The following PARD3 variants were observed in gnomAD, a reference collection of about 807,000 sequenced individuals.
PARD3 encodes the protein partitioning defective 3 homolog.
A neutral mutation model predicts 155.4 loss-of-function variants in PARD3; 75 were observed. The ratio of observed to expected loss-of-function variants is 0.48; its 90% CI spans 0.40 to 0.58. PARD3 has a LOEUF of 0.58. PARD3 is among the 20% of genes least tolerant of loss of function. PARD3 has a pLI of 0.00. For missense variants in PARD3, 1,642 were observed against 1,721.7 expected (o/e 0.95, Z 0.82); for synonymous variants, 576 against 610.5 (o/e 0.94, Z 0.83).
At chr10:34,118,010 G>A (rs555990261) in intron 24 of PARD3, among the ~76,000 whole-genome samples, 1 of 152,138 alleles carries the variant, frequency 6.6e-6, no homozygotes, top group African/African-American at 2.4e-5. Flanking sequence ...AAAATGACTT[G>A]CTAGCTGTGT....
Position 34,382,572 on chromosome 10 carries a change from A to G in PARD3, c.1367T>C (p.Ile456Thr). The G allele has an allele frequency of 1.2e-6, 2 of 1,613,324 alleles. No homozygotes were observed. The highest frequency in any genetic ancestry group is 2.2e-5 in the East Asian group (1 of 44,878). The change falls in exon 9 of 25, where the codon ATA (isoleucine) becomes ACA (threonine). Residue 456 changes from isoleucine (I) to threonine (T), a missense_variant. By Grantham distance (89) the Ile-to-Thr change is moderately conservative. Coordinates refer to ENST00000374788, the MANE Select transcript of PARD3 (RefSeq NM_001184785.2). Reference sequence around the variant, plus strand: ...AAGCTGGATATTAAGCCTCTTGCCTATTTTTTTGGTGTTATAACCACTGCT... The same window carrying G: ...AAGCTGGATATTAAGCCTCTTGCCTGTTTTTTTGGTGTTATAACCACTGCT... ...TVSSGYNTKK[I>T]GKRLNIQLKK...
At chr10:34,259,517 T>C (rs1026861737) in intron 22 of PARD3, among the ~76,000 whole-genome samples, 1 of 152,154 alleles carries the variant, frequency 6.6e-6, no homozygotes, top group Non-Finnish European at 1.5e-5. Flanking sequence ...CCTCTTTCAC[T>C]GATAAAGCCT....
intron 22 of PARD3, among the ~76,000 whole-genome samples, chr10:34,208,694 A>G (rs1951596521): frequency 6.6e-6 from 1 of 152,176 alleles, no homozygotes; most frequent in Non-Finnish European, 1.5e-5. Flanking sequence ...CGTTCAGGAA[A>G]CAGGAGCTGT....
intron 3 of PARD3, among the ~76,000 whole-genome samples, chr10:34,511,656 AC>A (rs35718283): frequency 0.19 from 28,667 of 152,208 alleles, 3,441 homozygotes; most frequent in East Asian, 0.38. Context: ...ATACATATAT[AC>A]AAAGTGATTT....
Position 34,605,980 on chromosome 10 carries a change from CTATATATA to C in PARD3, c.223-88829_223-88822del, listed in dbSNP as rs377089198. Among the ~76,000 whole-genome samples, 5 of 914 alleles carry C rather than the reference CTATATATA, an allele frequency of 5.5e-3. 2 individuals are homozygous for C. The highest frequency in any genetic ancestry group is 7.3e-3 in the Non-Finnish European group (2 of 274). 0.6% of individuals were successfully genotyped at this position (914 alleles called of 152,430 possible). A position where few individuals can be genotyped will look rare whatever the true frequency, so the allele number is the denominator to read the frequency against. On this transcript the variant is annotated intron_variant, in intron 2 of 24. Coordinates refer to ENST00000374788, the MANE Select transcript of PARD3 (RefSeq NM_001184785.2). Reference sequence around the variant, plus strand: ...TATATATCTCCTATATCTATATCTCCTATATATATATATCTCCTATATATATATATCTC... The same window carrying C: ...TATATATCTCCTATATCTATATCTCCTATATCTCCTATATATATATATCTC...
intron 1 of PARD3, among the ~76,000 whole-genome samples, chr10:34,744,918 T>C (rs373626324): frequency 1.3e-5 from 2 of 152,216 alleles, no homozygotes; most frequent in African/African-American, 4.8e-5. Context: ...CTGAAGGAAG[T>C]GGGTGCACAC....
chr10:34,254,927 T>C (rs1320280410), intron 22 of PARD3, among the ~76,000 whole-genome samples: 1 of 152,046 alleles, frequency 6.6e-6, no homozygotes, highest in Non-Finnish European at 1.5e-5. Flanking sequence ...CTTTAAACCC[T>C]TGACTATTTC....
chr10:34,392,637 A>G (rs1180838105), intron 7 of PARD3, among the ~76,000 whole-genome samples: 1 of 152,160 alleles, frequency 6.6e-6, no homozygotes, highest in South Asian at 2.1e-4. Flanking sequence ...GTTAAGAAGG[A>G]TTGTTCTGTG....
At position 34,110,868 on chromosome 10, in the gene PARD3, C is replaced by G. The variant is rs55945676; in HGVS notation, c.*301G>C. ...TGGTGCAGGGATGTTACAACCAAGC[C>G]GCGGACAACTCATGAGTAGGGCCGA... is the stretch of plus-strand genomic sequence containing the variant. On this transcript the variant is annotated 3_prime_UTR_variant, in exon 25 of 25. Coordinates refer to ENST00000374788, the MANE Select transcript of PARD3 (RefSeq NM_001184785.2). 7.3e-4 allele frequency: 170 copies of G among 233,734 alleles called. No homozygotes were observed. Among genetic ancestry groups the G allele is most frequent in the Non-Finnish European group, 8.8e-4 (106 of 120,514 alleles). The allele number at this position is 233,734 out of a possible 1,614,324, so 14.5% of individuals were successfully genotyped here.
intron 22 of PARD3, among the ~76,000 whole-genome samples, chr10:34,134,794 C>T (rs1169434620): frequency 6.6e-6 from 1 of 152,194 alleles, no homozygotes; most frequent in Non-Finnish European, 1.5e-5. Context: ...GTCAAGCCCC[C>T]TTGGGGAACA....
chr10:34,270,040 A>G (rs940917132), intron 21 of PARD3, 141 bp from the exon 22 acceptor site: 2 of 790,128 alleles, frequency 2.5e-6, no homozygotes, highest in Admixed American at 2.7e-5. Context: ...ATGACAGGTC[A>G]TACACATTCT....
chr10:34,178,255 A>T (rs1950122227), intron 22 of PARD3, among the ~76,000 whole-genome samples: 1 of 152,202 alleles, frequency 6.6e-6, no homozygotes, highest in Non-Finnish European at 1.5e-5. Flanking sequence ...AATTACCTAC[A>T]GCAAAGTTGG....
At chr10:34,151,481 T>C (rs1948780332) in intron 22 of PARD3, among the ~76,000 whole-genome samples, 1 of 152,164 alleles carries the variant, frequency 6.6e-6, no homozygotes, top group African/African-American at 2.4e-5. Flanking sequence ...CATGAGTGTA[T>C]ATATGTACAG....
At chr10:34,543,549 G>A (rs878924037) in intron 2 of PARD3, among the ~76,000 whole-genome samples, 3 of 152,216 alleles carry the variant, frequency 2.0e-5, no homozygotes, top group Admixed American at 2.0e-4. Flanking sequence ...GAAAACCAGA[G>A]AGTGTGAAGA....
At chr10:34,308,725 A>G (rs551120830) in intron 20 of PARD3, among the ~76,000 whole-genome samples, 5 of 152,314 alleles carry the variant, frequency 3.3e-5, no homozygotes, top group Admixed American at 1.3e-4. Flanking sequence ...TCCAGGCAGG[A>G]GAGGTGAATT....
chr10:34,601,599 G>A (rs1004305605), intron 2 of PARD3, among the ~76,000 whole-genome samples: 8 of 152,116 alleles, frequency 5.3e-5, no homozygotes, highest in Non-Finnish European at 8.8e-5. Flanking sequence ...CACAGGTATC[G>A]AGTCACAGAT....
At position 34,411,958 on chromosome 10, in the gene PARD3, G is replaced by GTA. The variant is rs1554851511; in HGVS notation, c.715-10042_715-10041insTA. ...TGTGTGTGTGTGTGTGTGTGTGTGT[G>GTA]TGTGTATTTCCTCCTTTTTTAAGAG... On this transcript the variant is annotated intron_variant, in intron 5 of 24. Transcript: ENST00000374788. Among the ~76,000 whole-genome samples, 53 of 114,666 alleles carry GTA rather than the reference G, an allele frequency of 4.6e-4. No homozygotes were observed. The East Asian group carries it at 0.011, about 24-fold the overall frequency. 75.2% of individuals were successfully genotyped at this position (114,666 alleles called of 152,430 possible). A position where few individuals can be genotyped will look rare whatever the true frequency, so the allele number is the denominator to read the frequency against.
intron 3 of PARD3, among the ~76,000 whole-genome samples, chr10:34,486,677 T>C (rs556867058): frequency 8.5e-5 from 13 of 152,304 alleles, no homozygotes; most frequent in African/African-American, 3.1e-4. Flanking sequence ...AGAAACCACC[T>C]AGGAATCTTG....
chr10:34,622,952 T>C (rs2091777082), intron 2 of PARD3, among the ~76,000 whole-genome samples: 1 of 151,862 alleles, frequency 6.6e-6, no homozygotes. Context: ...TCCCCATGTG[T>C]GTCTTTTTTT....
Sources: gnomAD v4.1 joint callset for allele counts (sites outside exome capture counted in the v4.1 genomes callset) on GRCh38, gnomAD v4.1.1 for gene constraint, MANE v1.5 for transcripts, NCBI Gene and HGNC (gene_info 2026-07-23, HGNC 2026-07-21) for gene names.